Variants in SIK2 observed in about 807,000 individuals in gnomAD.
The protein encoded by SIK2 is salt inducible kinase 2.
In SIK2, 29 loss-of-function variants were observed where a neutral mutation model predicts 103.2. The observed-to-expected ratio is 0.28, with a 90% CI of 0.21 to 0.38. SIK2 has a LOEUF of 0.38. Ranked by LOEUF, SIK2 falls within the 10% of genes least tolerant of loss-of-function variation. SIK2 has a pLI of 1.00. For missense variants in SIK2, 879 were observed against 1,171.0 expected, an observed-to-expected ratio of 0.75 and a Z score of 3.64; for synonymous variants, 412 against 446.1, an observed-to-expected ratio of 0.92 and a Z score of 0.96.
chr11:111,603,392 G>A (rs1789358), intron 1 of SIK2, among the ~76,000 whole-genome samples: 91,060 of 151,880 alleles, frequency 0.6, 30,521 homozygotes, highest in East Asian at 0.96. Flanking sequence ...GCATTTGCAC[G>A]GTGGGTGGAT....
chr11:111,657,492 C>G (rs755688501), intron 3 of SIK2, among the ~76,000 whole-genome samples: 1 of 152,088 alleles, frequency 6.6e-6, no homozygotes, highest in African/African-American at 2.4e-5. Context: ...CAGCCTCAAG[C>G]GATCCTCCCA....
At chr11:111,692,577 C>T (rs1038336667) in intron 4 of SIK2, among the ~76,000 whole-genome samples, 1 of 151,906 alleles carries the variant, frequency 6.6e-6, no homozygotes. Context: ...AGATCATTCA[C>T]GTGCTATAAA....
chr11:111,713,411 A>C (rs998484969), intron 9 of SIK2, among the ~76,000 whole-genome samples: 18 of 152,206 alleles, frequency 1.2e-4, no homozygotes, highest in African/African-American at 4.1e-4. Flanking sequence ...CCACGTAACA[A>C]AACTCTTTGA....
chr11:111,721,757 G>A (rs1260246297), intron 12 of SIK2, 73 bp from the exon 13 acceptor site: 1 of 1,166,096 alleles, frequency 8.6e-7, no homozygotes, highest in East Asian at 2.4e-5. Flanking sequence ...CATTGCAAAG[G>A]TGCTTCAGCT....
intron 3 of SIK2, among the ~76,000 whole-genome samples, chr11:111,648,592 GCTC>G (rs1304172046): frequency 2.0e-5 from 3 of 151,458 alleles, no homozygotes; most frequent in African/African-American, 7.3e-5. Flanking sequence ...TATAATATGG[GCTC>G]CTATTGATAT....
intron 1 of SIK2, among the ~76,000 whole-genome samples, chr11:111,606,692 T>G (rs889867011): frequency 2.0e-5 from 3 of 152,122 alleles, no homozygotes; most frequent in Admixed American, 1.3e-4. Flanking sequence ...ACATTTTTTT[T>G]AGGGAGGAGA....
rs1943910985 is a variant in SIK2 at position 111,724,576 on chromosome 11, G to C, written c.*447G>C. 6.1e-6 allele frequency: 1 copy of C among 163,060 alleles called. No individual in the cohort carries two copies. Among genetic ancestry groups the C allele is most frequent in the Admixed American group, 5.8e-5 (1 of 17,150 alleles). The allele number at this position is 163,060 out of a possible 1,614,324, so 10.1% of individuals were successfully genotyped here. A position where few individuals can be genotyped will look rare whatever the true frequency, so the allele number is the denominator to read the frequency against. On this transcript the variant is annotated 3_prime_UTR_variant, in exon 15 of 15. Transcript: ENST00000304987. ...GCTGAGCAACCACATATTGCTACAA[G>C]GCAAATCAAGAAGACATCAGGAAAT...
chr11:111,613,223 C>G (rs1190376632), intron 1 of SIK2, among the ~76,000 whole-genome samples: 3 of 151,866 alleles, frequency 2.0e-5, no homozygotes, highest in East Asian at 1.9e-4. Flanking sequence ...CTCTTTCATC[C>G]CATTAAATAT....
At chr11:111,609,946 A>T (rs1487188200) in intron 1 of SIK2, among the ~76,000 whole-genome samples, 1 of 152,236 alleles carries the variant, frequency 6.6e-6, no homozygotes, top group Non-Finnish European at 1.5e-5. Flanking sequence ...AGGACAGTGT[A>T]GAATTAGTAT....
At chr11:111,685,376 G>A (rs1159766808) in intron 3 of SIK2, among the ~76,000 whole-genome samples, 1 of 152,168 alleles carries the variant, frequency 6.6e-6, no homozygotes, top group African/African-American at 2.4e-5. Context: ...TTAAAGTAAG[G>A]GCTATGTGTA....
intron 3 of SIK2, among the ~76,000 whole-genome samples, chr11:111,685,985 A>G (rs1054742677): frequency 6.6e-6 from 1 of 152,246 alleles, no homozygotes; most frequent in African/African-American, 2.4e-5. Flanking sequence ...CAGTTGTACA[A>G]ATTCAGCCAG....
chr11:111,650,630 T>A (rs1942315705), intron 3 of SIK2, among the ~76,000 whole-genome samples: 1 of 152,144 alleles, frequency 6.6e-6, no homozygotes, highest in South Asian at 2.1e-4. Flanking sequence ...ATTCTCAACC[T>A]CTTCCATTTT....
rs71057079 is a variant in SIK2 at position 111,622,247 on chromosome 11, C to CT, written c.316+1871dup. Among the ~76,000 whole-genome samples the CT allele has an allele frequency of 3.3e-4, 20 of 61,460 alleles. 2 individuals are homozygous for CT. The highest frequency in any genetic ancestry group is 1.1e-3 in the African/African-American group (15 of 13,920). 40.3% of individuals were successfully genotyped at this position (61,460 alleles called of 152,430 possible). A position where few individuals can be genotyped will look rare whatever the true frequency, so the allele number is the denominator to read the frequency against. On this transcript the variant is annotated intron_variant, in intron 3 of 14. Transcript: ENST00000304987. ...TCTTTTGTCTGAAGGATTTTCTTTT[C>CT]TTTTTTTTTTTTTTTTTTTTTTTTT...
Position 111,725,425 on chromosome 11 carries a change from C to T in SIK2, c.*1296C>T, listed in dbSNP as rs904649057. 1 of 152,482 alleles carries T rather than the reference C, an allele frequency of 6.6e-6. No individual in the cohort carries two copies. Among genetic ancestry groups the T allele is most frequent in the Non-Finnish European group, 1.5e-5 (1 of 68,028 alleles). 9.4% of individuals were successfully genotyped at this position (152,482 alleles called of 1,614,324 possible). A position where few individuals can be genotyped will look rare whatever the true frequency, so the allele number is the denominator to read the frequency against. On this transcript the variant is annotated 3_prime_UTR_variant, in exon 15 of 15. Transcript: ENST00000304987. Reference sequence around the variant, plus strand: ...CATTATATTACTAATAAAACTTAACCAACACTTACAATTCAGTCATCAAAG... The same window carrying T: ...CATTATATTACTAATAAAACTTAACTAACACTTACAATTCAGTCATCAAAG...
Position 111,723,499 on chromosome 11 carries a change from C to T in SIK2, c.2151C>T (p.Leu717=). ...SLEQQLQEHR[L]QQKRLFLQKQ... is the part of the protein sequence containing the mutation. ...TCCTTTGATATTACCAATTTAGGCTCCAGCAGAAGCGACTCTTTCTTCAGA... is the reference window on the plus strand; with the variant it reads ...TCCTTTGATATTACCAATTTAGGCTTCAGCAGAAGCGACTCTTTCTTCAGA... The change falls in exon 15 of 15, where the codon CTC becomes CTT. Residue 717 remains leucine, a synonymous_variant. Transcript: ENST00000304987. 6.3e-7 allele frequency: 1 copy of T among 1,595,124 alleles called. No homozygotes were observed. Among genetic ancestry groups the T allele is most frequent in the Non-Finnish European group, 8.6e-7 (1 of 1,169,096 alleles).
intron 3 of SIK2, among the ~76,000 whole-genome samples, chr11:111,686,183 G>A (rs1942843154): frequency 6.6e-6 from 1 of 152,218 alleles, no homozygotes; most frequent in South Asian, 2.1e-4. Flanking sequence ...GCTCACACCT[G>A]TAATCCCAGC....
At chr11:111,713,824 TG>T (rs1943566851) in intron 9 of SIK2, among the ~76,000 whole-genome samples, 1 of 151,722 alleles carries the variant, frequency 6.6e-6, no homozygotes, top group African/African-American at 2.4e-5. Flanking sequence ...AAAATTAGCT[TG>T]GGGAGGTTGC....
At chr11:111,691,096 T>C (rs1044370911) in intron 4 of SIK2, among the ~76,000 whole-genome samples, 3 of 152,216 alleles carry the variant, frequency 2.0e-5, no homozygotes, top group African/African-American at 7.2e-5. Flanking sequence ...TATAACCAAG[T>C]TTTGCCTGGC....
chr11:111,665,313 G>A (rs532548289), intron 3 of SIK2, among the ~76,000 whole-genome samples: 27 of 151,820 alleles, frequency 1.8e-4, no homozygotes, highest in Non-Finnish European at 3.7e-4. Context: ...CACTAGCCGG[G>A]TGTGGTGGTG....
Sources: allele counts gnomAD v4.1 joint callset (sites outside exome capture counted in the v4.1 genomes callset), GRCh38; gene constraint gnomAD v4.1.1; transcripts MANE v1.5; gene names NCBI Gene and HGNC (gene_info 2026-07-23, HGNC 2026-07-21).